Variants in GPR20 observed in about 807,000 individuals in gnomAD.
GPR20 encodes the protein CTD-3064M3.3.
For synonymous variants in GPR20, 241 were observed against 241.9 expected, an observed-to-expected ratio of 1.00 and a Z score of 0.04; for missense variants, 494 against 527.4, an observed-to-expected ratio of 0.94 and a Z score of 0.62.
chr8:141,364,531 C>T (rs984866021), intron 1 of GPR20, among the ~76,000 whole-genome samples: 28 of 152,300 alleles, frequency 1.8e-4, no homozygotes, highest in Admixed American at 1.7e-3. Context: ...CTGTCCCCCA[C>T]GCCCACAGGC....
intron 1 of GPR20, among the ~76,000 whole-genome samples, chr8:141,359,148 C>T (rs1831696780): frequency 6.6e-6 from 1 of 152,096 alleles, no homozygotes; most frequent in Non-Finnish European, 1.5e-5. Flanking sequence ...TTCTTCTGCA[C>T]AGCGCCCCTC....
chr8:141,361,659 G>T (rs1243816449), intron 1 of GPR20, among the ~76,000 whole-genome samples: 3 of 152,180 alleles, frequency 2.0e-5, no homozygotes, highest in Non-Finnish European at 2.9e-5. Flanking sequence ...TGGAGGGAGG[G>T]CTCTGACCTG....
At chr8:141,365,082 T>C (rs1300426886) in intron 1 of GPR20, among the ~76,000 whole-genome samples, 1 of 152,228 alleles carries the variant, frequency 6.6e-6, no homozygotes, top group Non-Finnish European at 1.5e-5. Flanking sequence ...CTGCCCGGAA[T>C]GCTGTTTCTC....
chr8:141,359,789 C>T (rs1386354795), intron 1 of GPR20, among the ~76,000 whole-genome samples: 6 of 152,252 alleles, frequency 3.9e-5, no homozygotes, highest in African/African-American at 7.2e-5. Flanking sequence ...AAGGTCCCCC[C>T]GAAAGAGATG....
In GPR20 at chr8:141,357,740, C is replaced by G; in HGVS notation, c.184G>C (p.Ala62Pro). Residue 62 changes from alanine (A) to proline (P), a missense_variant, in exon 2 of 2, where the codon GCC (alanine) becomes CCC (proline). Physicochemically the swap from Ala to Pro is conservative, Grantham distance 27. Coordinates refer to ENST00000377741, the MANE Select transcript of GPR20 (RefSeq NM_005293.3). ...LWLALMAVHG[A>P]IFLAGLVLNG... ...AGCACCAGCCCTGCCAGGAAGATGG[C>G]TCCGTGCACCGCCATCAGCGCCAGC... 1 of 1,613,250 alleles carries G rather than the reference C, an allele frequency of 6.2e-7. No homozygotes were observed. The highest frequency in any genetic ancestry group is 8.5e-7 in the Non-Finnish European group (1 of 1,179,964).
At chr8:141,360,496 C>G (rs1831716753) in intron 1 of GPR20, among the ~76,000 whole-genome samples, 1 of 152,192 alleles carries the variant, frequency 6.6e-6, no homozygotes, top group Non-Finnish European at 1.5e-5. Context: ...CTGTCTCTGT[C>G]TCCATATTGT....
rs34795284 is a variant in GPR20 at position 141,356,734 on chromosome 8, A to G, written c.*113T>C. On this transcript the variant is annotated 3_prime_UTR_variant, in exon 2 of 2. Coordinates refer to ENST00000377741, the MANE Select transcript of GPR20 (RefSeq NM_005293.3). ...AGACGCTCAATGCGGTGCTCTGGGTAGCCATCACCAATCAATCGAGATGGA... is the reference window on the plus strand; with the variant it reads ...AGACGCTCAATGCGGTGCTCTGGGTGGCCATCACCAATCAATCGAGATGGA... The G allele has an allele frequency of 2.9e-6, 2 of 691,684 alleles. No individual in the cohort carries two copies. The highest frequency in any genetic ancestry group is 5.3e-5 in the East Asian group (2 of 37,472). The allele number at this position is 691,684 out of a possible 1,614,324, so 42.8% of individuals were successfully genotyped here.
At chr8:141,358,878 C>T (rs190385560) in intron 1 of GPR20, among the ~76,000 whole-genome samples, 91 of 152,146 alleles carry the variant, frequency 6.0e-4, no homozygotes, top group African/African-American at 1.9e-3. Flanking sequence ...AAATAAACAC[C>T]GAGCTCCCGT....
Position 141,357,137 on chromosome 8 carries a change from C to A in GPR20, c.787G>T (p.Ala263Ser). 6.2e-7 allele frequency: 1 copy of A among 1,610,952 alleles called. No homozygotes were observed. Among genetic ancestry groups the A allele is most frequent in the Non-Finnish European group, 8.5e-7 (1 of 1,179,868 alleles). The change falls in exon 2 of 2, where the codon GCC (alanine) becomes TCC (serine). Residue 263 changes from alanine to serine, a missense_variant. Coordinates refer to ENST00000377741, the MANE Select transcript of GPR20 (RefSeq NM_005293.3). Reference sequence around the variant, plus strand: ...GGCATGTCGGGCCACAGCGCCACGGCCACTTGGCGGGCGTGGAAGGGCGTG... The same window carrying A: ...GGCATGTCGGGCCACAGCGCCACGGACACTTGGCGGGCGTGGAAGGGCGTG... ...CFTPFHARQV[A>S]VALWPDMPHH...
In GPR20 at chr8:141,357,549, C is replaced by A. The variant is rs199924147; in HGVS notation, c.375G>T (p.Pro125=). The A allele has an allele frequency of 3.0e-5, 49 of 1,613,798 alleles. No individual in the cohort carries two copies. The East Asian group carries it at 1.1e-3, about 35-fold the overall frequency. ...TGTTGAGGAAGTAACCGAGGACGTG[C>A]GGGAAGGCACAGCGCAGGCAGCCCC... is the stretch of plus-strand genomic sequence containing the variant. ...GARGCLRCAF[P]HVLGYFLNMH... is the part of the protein sequence containing the mutation. The change falls in exon 2 of 2, where the codon CCG becomes CCT. Residue 125 remains proline, a synonymous_variant. Transcript: ENST00000377741.
At chr8:141,364,355 A>G (rs969173355) in intron 1 of GPR20, among the ~76,000 whole-genome samples, 4 of 152,238 alleles carry the variant, frequency 2.6e-5, no homozygotes, top group Non-Finnish European at 5.9e-5. Flanking sequence ...TTGGTTTCAC[A>G]GCATCTGCTT....
rs563433255 is a variant in GPR20 at position 141,366,334 on chromosome 8, A to G, written c.-25+867T>C. 3.9e-5 allele frequency among the ~76,000 whole-genome samples: 6 copies of G among 152,304 alleles called. No homozygotes were observed. The South Asian group carries it at 8.3e-4, about 21-fold the overall frequency. On this transcript the variant is annotated intron_variant, in intron 1 of 1. Transcript: ENST00000377741. ...CCCAGGATGACCAGCTGTTGAAGGA[A>G]GAAGACAGGGCAAGTGGACAGGCCC... is the stretch of plus-strand genomic sequence containing the variant.
At position 141,357,835 on chromosome 8, in the gene GPR20, A is replaced by C; in HGVS notation, c.89T>G (p.Leu30Arg). The C allele has an allele frequency of 6.2e-7, 1 of 1,613,132 alleles. No individual in the cohort carries two copies. The highest frequency in any genetic ancestry group is 8.5e-7 in the Non-Finnish European group (1 of 1,179,842). ...VTTVRTNASG[L>R]EVPLFHLFAR... ...AAACAGGTGGAACAGGGGCACCTCC[A>C]GCCCGCTGGCATTGGTCCGCACTGT... Residue 30 changes from leucine (L) to arginine (R), a missense_variant, in exon 2 of 2, where the codon CTG (leucine) becomes CGG (arginine). Coordinates refer to ENST00000377741, the MANE Select transcript of GPR20 (RefSeq NM_005293.3).
Position 141,365,874 on chromosome 8 carries a change from A to T in GPR20, c.-25+1327T>A, listed in dbSNP as rs531177416. 2.6e-4 allele frequency among the ~76,000 whole-genome samples: 39 copies of T among 152,294 alleles called. 1 individual carries two copies. In the South Asian group the frequency reaches 8.1e-3, roughly 32 times the overall value. Reference sequence around the variant, plus strand: ...GCCTGCACCGCCTGGCTTCCTTCGCAGTGCCCTGCCACGCGCAGTTCCCTA... The same window carrying T: ...GCCTGCACCGCCTGGCTTCCTTCGCTGTGCCCTGCCACGCGCAGTTCCCTA... On this transcript the variant is annotated intron_variant, in intron 1 of 1. Coordinates refer to ENST00000377741, the MANE Select transcript of GPR20 (RefSeq NM_005293.3).
At position 141,357,940 on chromosome 8, in the gene GPR20, C is replaced by T. The variant is rs1173567906; in HGVS notation, c.-17G>A. The T allele has an allele frequency of 2.8e-6, 4 of 1,451,528 alleles. No individual in the cohort carries two copies. Among genetic ancestry groups the T allele is most frequent in the African/African-American group, 1.4e-5 (1 of 71,178 alleles). The allele number at this position is 1,451,528 out of a possible 1,614,324, so 89.9% of individuals were successfully genotyped here. On this transcript the variant is annotated 5_prime_UTR_variant, in exon 2 of 2. In the 5' UTR this introduces an upstream ATG that the reference lacks. Coordinates refer to ENST00000377741, the MANE Select transcript of GPR20 (RefSeq NM_005293.3). ...AGAGGGCATGACGGCAGCCAGCACA[C>T]CCCAGGCCTGGAAGCAAGGAGACCA...
At chr8:141,366,869 C>T (rs148166904) in intron 1 of GPR20, among the ~76,000 whole-genome samples, 10 of 152,330 alleles carry the variant, frequency 6.6e-5, no homozygotes, top group Admixed American at 3.3e-4. Flanking sequence ...AGCAGATGCT[C>T]GGTGAGTGTT....
chr8:141,365,254 G>A (rs542025099), intron 1 of GPR20, among the ~76,000 whole-genome samples: 10 of 152,130 alleles, frequency 6.6e-5, no homozygotes, highest in Non-Finnish European at 1.3e-4. Flanking sequence ...TCCTTCCCAG[G>A]GTCTTATTGA....
At chr8:141,359,961 C>G (rs547458575) in intron 1 of GPR20, among the ~76,000 whole-genome samples, 41 of 152,344 alleles carry the variant, frequency 2.7e-4, no homozygotes, top group African/African-American at 8.4e-4. Flanking sequence ...GTGTCCCAAT[C>G]AGAGACAAAT....
At position 141,357,450 on chromosome 8, in the gene GPR20, G is replaced by A. The variant is rs748760913; in HGVS notation, c.474C>T (p.Ser158=). ...RYLAIVRPEG[S]RRCRQPACAR... ...CACAGGCAGGCTGGCGGCAGCGGCG[G>A]GAGCCTTCGGGCCGCACGATGGCCA... Residue 158 remains serine, a synonymous_variant, in exon 2 of 2, where the codon TCC becomes TCT. Transcript: ENST00000377741. The A allele has an allele frequency of 2.4e-5, 38 of 1,606,362 alleles. No individual in the cohort carries two copies. The South Asian group carries it at 4.0e-4, about 17-fold the overall frequency.
Sources: allele counts gnomAD v4.1 joint callset (sites outside exome capture counted in the v4.1 genomes callset), GRCh38; gene constraint gnomAD v4.1.1; transcripts MANE v1.5; gene names NCBI Gene and HGNC (gene_info 2026-07-23, HGNC 2026-07-21).